Variants in RTN4RL1 observed in about 807,000 individuals in gnomAD.
The protein encoded by RTN4RL1 is reticulon-4 receptor-like 1.
RTN4RL1 carries 7 observed loss-of-function variants against 25.6 expected under a neutral mutation model. The observed-to-expected ratio is 0.27, with a 90% CI of 0.16 to 0.51. The LOEUF is 0.51. Among genes scored for constraint, RTN4RL1 ranks in the 20% least tolerant of loss-of-function variants. RTN4RL1 has a pLI of 0.97. For missense variants in RTN4RL1, 500 were observed against 615.6 expected (o/e 0.81, Z 1.99); for synonymous variants, 297 against 288.2 (o/e 1.03, Z -0.31).
At chr17:2,013,995 C>G (rs1243642683) in intron 1 of RTN4RL1, among the ~76,000 whole-genome samples, 2 of 152,232 alleles carry the variant, frequency 1.3e-5, no homozygotes, top group Non-Finnish European at 2.9e-5. Flanking sequence ...GGCTTCTCCC[C>G]TACTCTGTTT....
At chr17:1,954,383 CTTTTTTT>C (rs55654151) in intron 1 of RTN4RL1, among the ~76,000 whole-genome samples, 4 of 124,326 alleles carry the variant, frequency 3.2e-5, no homozygotes, top group Admixed American at 1.7e-4. Context: ...TGCTTCCTTC[CTTTTTTT>C]TTTTTTTTTT....
At chr17:1,947,800 C>T (rs1915587582) in intron 1 of RTN4RL1, among the ~76,000 whole-genome samples, 1 of 152,178 alleles carries the variant, frequency 6.6e-6, no homozygotes, top group Non-Finnish European at 1.5e-5. Flanking sequence ...AGCTCTGGAC[C>T]CACGTACTGC....
At chr17:1,970,710 G>A (rs1250838497) in intron 1 of RTN4RL1, among the ~76,000 whole-genome samples, 7 of 152,178 alleles carry the variant, frequency 4.6e-5, no homozygotes, top group Non-Finnish European at 1.5e-5. Flanking sequence ...AGGGAAGGAC[G>A]GTGGGTCCGA....
rs948393035 is a variant in RTN4RL1 at position 1,994,336 on chromosome 17, G to A, written c.13+30517C>T. Reference sequence around the variant, plus strand: ...CTAGATGCCTTGGGGGCACAGCCATGTCTCCCCTGTGCTGAGCCCACCGTG... The same window carrying A: ...CTAGATGCCTTGGGGGCACAGCCATATCTCCCCTGTGCTGAGCCCACCGTG... On this transcript the variant is annotated intron_variant, in intron 1 of 1. Coordinates refer to ENST00000331238, the MANE Select transcript of RTN4RL1 (RefSeq NM_178568.4). This position sits in a 1 kb window ranked among gnomAD's most constrained non-coding sequence, Gnocchi z 4.3. 1.1e-4 allele frequency among the ~76,000 whole-genome samples: 17 copies of A among 152,078 alleles called. No individual in the cohort carries two copies. Among genetic ancestry groups the A allele is most frequent in the South Asian group, 1.0e-3 (5 of 4,798 alleles).
chr17:1,987,284 G>C (rs2066891315), intron 1 of RTN4RL1, among the ~76,000 whole-genome samples: 1 of 152,092 alleles, frequency 6.6e-6, no homozygotes, highest in Non-Finnish European at 1.5e-5. Context: ...CTGCTCCCAG[G>C]CCTCCATGAC....
At chr17:1,948,782 C>A (rs1915616111) in intron 1 of RTN4RL1, among the ~76,000 whole-genome samples, 1 of 151,870 alleles carries the variant, frequency 6.6e-6, no homozygotes. Context: ...GGGGTGGGGA[C>A]CTACTGTTTT....
intron 1 of RTN4RL1, among the ~76,000 whole-genome samples, chr17:2,014,297 G>A (rs1026805333): frequency 3.3e-5 from 5 of 152,180 alleles, no homozygotes; most frequent in African/African-American, 1.2e-4. Context: ...CTCACCAACT[G>A]GCGGGGAAGA....
chr17:2,017,960 TAAAG>T (rs1437971897), intron 1 of RTN4RL1: 1 of 152,356 alleles, frequency 6.6e-6, no homozygotes, highest in Non-Finnish European at 1.5e-5. Context: ...TTTCTTTTCC[TAAAG>T]AATCACGGGG....
intron 1 of RTN4RL1, among the ~76,000 whole-genome samples, chr17:1,992,199 C>T (rs2066912104): frequency 6.6e-6 from 1 of 151,960 alleles, no homozygotes; most frequent in African/African-American, 2.4e-5. Context: ...CCCATCTCTA[C>T]TAAAAATACA....
At chr17:2,020,682 T>G (rs1366865547) in intron 1 of RTN4RL1, 1 of 152,284 alleles carries the variant, frequency 6.6e-6, no homozygotes, top group Non-Finnish European at 1.5e-5. Flanking sequence ...GTGGTTGATG[T>G]ACAGATAAAG....
intron 1 of RTN4RL1, among the ~76,000 whole-genome samples, chr17:2,020,911 C>T (rs1462060343): frequency 1.3e-5 from 2 of 152,206 alleles, no homozygotes; most frequent in Non-Finnish European, 2.9e-5. Context: ...CAAAGCAAAC[C>T]CCCCAGCGGG....
At chr17:1,942,344 G>A (rs1048383967) in intron 1 of RTN4RL1, among the ~76,000 whole-genome samples, 16 of 152,040 alleles carry the variant, frequency 1.1e-4, no homozygotes, top group African/African-American at 3.9e-4. Flanking sequence ...TGCCAGTGGG[G>A]AGGGCCCAGA....
Position 2,009,859 on chromosome 17 carries a change from C to T in RTN4RL1, c.13+14994G>A, listed in dbSNP as rs924850709. Among the ~76,000 whole-genome samples the T allele has an allele frequency of 1.6e-4, 21 of 128,482 alleles. 5 individuals carry two copies. The highest frequency in any genetic ancestry group is 1.4e-3 in the Admixed American group (17 of 12,242). 84.3% of individuals were successfully genotyped at this position (128,482 alleles called of 152,430 possible). On this transcript the variant is annotated intron_variant, in intron 1 of 1. Coordinates refer to ENST00000331238, the MANE Select transcript of RTN4RL1 (RefSeq NM_178568.4). ...TCTCAAACCACTCCACAGGCCACAA[C>T]ACAGAATGCCGGCCCTGTCCACAGC... is the stretch of plus-strand genomic sequence containing the variant.
At chr17:1,969,974 C>CCT (rs1036627137) in intron 1 of RTN4RL1, among the ~76,000 whole-genome samples, 5 of 149,592 alleles carry the variant, frequency 3.3e-5, no homozygotes, top group African/African-American at 4.9e-5. Flanking sequence ...GACACCTGAG[C>CCT]CTCTCTCTCT....
At chr17:1,942,053 C>T (rs558776975) in intron 1 of RTN4RL1, among the ~76,000 whole-genome samples, 1 of 152,312 alleles carries the variant, frequency 6.6e-6, no homozygotes, top group South Asian at 2.1e-4. Flanking sequence ...GCCCTGCACC[C>T]CTCCCACCAG....
At chr17:2,001,587 T>C (rs1337821977) in intron 1 of RTN4RL1, 1 of 152,220 alleles carries the variant, frequency 6.6e-6, no homozygotes, top group Non-Finnish European at 1.5e-5. Context: ...TATATTCCCA[T>C]TTTCCAGATG....
chr17:1,961,528 G>GT (rs2066761308), intron 1 of RTN4RL1, among the ~76,000 whole-genome samples: 1 of 151,968 alleles, frequency 6.6e-6, no homozygotes, highest in Non-Finnish European at 1.5e-5. Flanking sequence ...GATACAACAC[G>GT]TAAGGGACTG....
At chr17:1,999,375 G>A (rs539461085) in intron 1 of RTN4RL1, among the ~76,000 whole-genome samples, 5 of 151,826 alleles carry the variant, frequency 3.3e-5, no homozygotes, top group East Asian at 1.9e-4. Context: ...GAACCCGGGA[G>A]GAGGAGATTG....
In RTN4RL1 at chr17:1,937,811, G is replaced by A. The variant is rs767571973; in HGVS notation, c.14-3C>T. On this transcript the variant is annotated splice_polypyrimidine_tract_variant and splice_region_variant and intron_variant, in intron 1 of 1. Coordinates refer to ENST00000331238, the MANE Select transcript of RTN4RL1 (RefSeq NM_178568.4). Reference sequence around the variant, plus strand: ...CAGCAGCAACTCCACACAGCACCCTGGCAGGGAGAGAGAGCACAGCCAGGT... The same window carrying A: ...CAGCAGCAACTCCACACAGCACCCTAGCAGGGAGAGAGAGCACAGCCAGGT... 1 of 1,577,476 alleles carries A rather than the reference G, an allele frequency of 6.3e-7. No homozygotes were observed. Among genetic ancestry groups the A allele is most frequent in the Non-Finnish European group, 8.6e-7 (1 of 1,164,376 alleles).
Sources: allele counts gnomAD v4.1 joint callset (sites outside exome capture counted in the v4.1 genomes callset), GRCh38; gene constraint gnomAD v4.1.1; non-coding constraint Gnocchi (gnomAD v3.1); transcripts MANE v1.5; gene names NCBI Gene and HGNC (gene_info 2026-07-23, HGNC 2026-07-21).